The following SAP130 variants were observed in gnomAD, a reference collection of about 807,000 sequenced individuals.
The protein encoded by SAP130 is Sin3A associated protein 130, also known as histone deacetylase complex subunit SAP130.
A neutral mutation model predicts 103.2 loss-of-function variants in SAP130; 16 were observed. The observed-to-expected ratio is 0.16, with a 90% CI of 0.10 to 0.24. SAP130 has a LOEUF of 0.24. Among genes scored for constraint, SAP130 ranks in the 10% least tolerant of loss-of-function variants. The pLI is 1.00. For missense variants in SAP130, 990 were observed against 1,359.7 expected (o/e 0.73, Z 4.28); for synonymous variants, 477 against 497.0 (o/e 0.96, Z 0.53).
chr2:127,984,743 C>T (rs921471972), intron 14 of SAP130, among the ~76,000 whole-genome samples: 1 of 152,186 alleles, frequency 6.6e-6, no homozygotes, highest in African/African-American at 2.4e-5. Flanking sequence ...GTCACAATCT[C>T]TTTCTGGTAA....
chr2:127,948,868 T>C (rs1231792124), intron 18 of SAP130, among the ~76,000 whole-genome samples: 1 of 152,168 alleles, frequency 6.6e-6, no homozygotes, highest in Non-Finnish European at 1.5e-5. Flanking sequence ...ATTTAGACTC[T>C]TGTAGTGTGG....
chr2:127,963,486 C>T (rs562973713), intron 15 of SAP130, among the ~76,000 whole-genome samples: 3 of 152,330 alleles, frequency 2.0e-5, no homozygotes, highest in Admixed American at 6.5e-5. Context: ...CCACCTTGGC[C>T]TCCCAAATTA....
intron 15 of SAP130, among the ~76,000 whole-genome samples, chr2:127,970,541 T>TA (rs70985493): frequency 0.049 from 3,948 of 79,992 alleles, 308 homozygotes; most frequent in African/African-American, 0.16. Flanking sequence ...GACTCTGTCT[T>TA]AAAAAAAAAA....
chr2:128,008,029 A>G lies in SAP130; in HGVS notation c.869+2240T>C, dbSNP rs574773109. On this transcript the variant is annotated intron_variant, in intron 7 of 20. Transcript: ENST00000643581. Reference sequence around the variant, plus strand: ...CAAGTAAGGAGGAAATCAAAGAGGCATCTCCGATTCCTCTTTCTTCCTCAC... The same window carrying G: ...CAAGTAAGGAGGAAATCAAAGAGGCGTCTCCGATTCCTCTTTCTTCCTCAC... Among the ~76,000 whole-genome samples the G allele has an allele frequency of 2.0e-5, 3 of 152,310 alleles. No homozygotes were observed. The East Asian group carries it at 5.8e-4, about 29-fold the overall frequency.
At chr2:128,021,508 C>T (rs1685160073) in intron 2 of SAP130, among the ~76,000 whole-genome samples, 1 of 150,788 alleles carries the variant, frequency 6.6e-6, no homozygotes, top group Non-Finnish European at 1.5e-5. Flanking sequence ...TTTTCTTTTT[C>T]ACTATATATT....
At chr2:127,943,784 C>CACTA (rs1425595733) in intron 19 of SAP130, among the ~76,000 whole-genome samples, 2 of 152,168 alleles carry the variant, frequency 1.3e-5, no homozygotes, top group African/African-American at 4.8e-5. Context: ...CATCACTGTA[C>CACTA]ACTACTGTAG....
chr2:127,991,264 A>G (rs1318043677), intron 12 of SAP130, among the ~76,000 whole-genome samples: 1 of 152,242 alleles, frequency 6.6e-6, no homozygotes, highest in African/African-American at 2.4e-5. Flanking sequence ...AAAAAGAGAC[A>G]GACCAAATTA....
chr2:128,026,769 C>T (rs1193760756), intron 1 of SAP130, among the ~76,000 whole-genome samples: 1 of 152,244 alleles, frequency 6.6e-6, no homozygotes, highest in Non-Finnish European at 1.5e-5. Flanking sequence ...ACATCCAGAC[C>T]CGATGCAAAA....
At chr2:127,980,126 G>A (rs1014568047) in intron 14 of SAP130, among the ~76,000 whole-genome samples, 2 of 151,942 alleles carry the variant, frequency 1.3e-5, no homozygotes, top group South Asian at 2.1e-4. Flanking sequence ...TGATCTGCCC[G>A]CCTTGGCCTC....
chr2:127,962,518 C>T (rs62159281), intron 15 of SAP130, among the ~76,000 whole-genome samples: 10,689 of 152,186 alleles, frequency 0.07, 526 homozygotes, highest in Non-Finnish European at 0.098. Flanking sequence ...GCAAATGTGG[C>T]ACATATACAC....
chr2:127,946,870 C>T (rs1447289904), intron 18 of SAP130, among the ~76,000 whole-genome samples: 1 of 149,478 alleles, frequency 6.7e-6, no homozygotes, highest in Non-Finnish European at 1.5e-5. Context: ...GGGGACAGAG[C>T]GAGACTCCGT....
chr2:128,018,483 C>CAAAAAAAAAAAAAAAAAAAAAAAAAA (rs759445928), intron 2 of SAP130, among the ~76,000 whole-genome samples: 2 of 69,474 alleles, frequency 2.9e-5, no homozygotes, highest in African/African-American at 1.3e-4. Flanking sequence ...AGATTGTCTC[C>CAAAAAAAAAAAAAAAAAAAAAAAAAA]AAAAAAAAAA....
intron 15 of SAP130, among the ~76,000 whole-genome samples, chr2:127,975,814 G>A (rs763641150): frequency 3.9e-5 from 6 of 152,008 alleles, no homozygotes; most frequent in Non-Finnish European, 5.9e-5. Context: ...AAGATGAAGG[G>A]GTCTCAGAAG....
At chr2:127,983,226 G>A (rs1682086833) in intron 14 of SAP130, among the ~76,000 whole-genome samples, 1 of 152,144 alleles carries the variant, frequency 6.6e-6, no homozygotes, top group Non-Finnish European at 1.5e-5. Flanking sequence ...GTACTACTGA[G>A]CAACTGAAAT....
chr2:127,950,543 C>A, intron 16 of SAP130, 135 bp from the exon 17 acceptor site: 1 of 1,024,592 alleles, frequency 9.8e-7, no homozygotes, highest in South Asian at 1.6e-5. Context: ...ATGTGTCTGG[C>A]ACTGTGCTAA....
Position 128,014,919 on chromosome 2 carries a change from A to T in SAP130, c.508-5T>A. The T allele has an allele frequency of 6.2e-7, 1 of 1,608,920 alleles. No individual in the cohort carries two copies. The highest frequency in any genetic ancestry group is 8.5e-7 in the Non-Finnish European group (1 of 1,175,346). ...ATGCAGGTTACTGGGATGGCCCTGA[A>T]AGAAAGAGGATAGAACGTTATTTTT... is the stretch of plus-strand genomic sequence containing the variant. On this transcript the variant is annotated splice_region_variant and splice_polypyrimidine_tract_variant and intron_variant, in intron 4 of 20. Coordinates refer to ENST00000643581, the MANE Select transcript of SAP130 (RefSeq NM_001330301.2).
At chr2:127,945,623 C>G (rs150636834) in intron 18 of SAP130, 64 bp from the exon 19 acceptor site, 2 of 1,028,490 alleles carry the variant, frequency 1.9e-6, no homozygotes, top group Admixed American at 1.7e-5. Flanking sequence ...GATTTGTGTT[C>G]GAGCAGTGTA....
intron 14 of SAP130, among the ~76,000 whole-genome samples, chr2:127,982,448 T>C (rs563164805): frequency 7.4e-4 from 112 of 152,292 alleles, no homozygotes; most frequent in African/African-American, 2.5e-3. Context: ...GTAAGTATTA[T>C]AGATGTGATA....
rs1682367592 is a variant in SAP130 at position 127,986,127 on chromosome 2, G to A, written c.1958+658C>T. Among the ~76,000 whole-genome samples the A allele has an allele frequency of 6.6e-6, 1 of 152,216 alleles. No individual in the cohort carries two copies. Among genetic ancestry groups the A allele is most frequent in the Admixed American group, 6.5e-5 (1 of 15,286 alleles). The stretch of plus-strand genomic sequence containing the variant: ...TCCAGTACACCAAGGCAAGAACCCT[G>A]GGATACAGAAAGCTCTCTGTCCTTG... On this transcript the variant is annotated intron_variant, in intron 14 of 20. Transcript: ENST00000643581. This position sits in a 1 kb window ranked among gnomAD's most constrained non-coding sequence, Gnocchi z 4.7.
Sources: allele counts gnomAD v4.1 joint callset (sites outside exome capture counted in the v4.1 genomes callset), GRCh38; gene constraint gnomAD v4.1.1; non-coding constraint Gnocchi (gnomAD v3.1); transcripts MANE v1.5; gene names NCBI Gene and HGNC (gene_info 2026-07-23, HGNC 2026-07-21).